The following ST7L variants were observed in gnomAD, a reference collection of about 807,000 sequenced individuals.
ST7L encodes suppressor of tumorigenicity 7 protein-like.
Under a neutral mutation model 72.5 loss-of-function variants are expected in ST7L, and 57 were observed. The ratio of observed to expected loss-of-function variants is 0.79; its 90% CI spans 0.64 to 0.98. The LOEUF is 0.98. Ranked by LOEUF, ST7L falls within the 50% of genes least tolerant of loss-of-function variation. The pLI is 0.00. For missense variants in ST7L, 576 were observed against 672.2 expected, an observed-to-expected ratio of 0.86 and a Z score of 1.58; for synonymous variants, 221 against 240.9, an observed-to-expected ratio of 0.92 and a Z score of 0.77.
chr1:112,615,831 C>T (rs1421968068), intron 2 of ST7L, among the ~76,000 whole-genome samples: 1 of 152,176 alleles, frequency 6.6e-6, no homozygotes, highest in Non-Finnish European at 1.5e-5. Flanking sequence ...CCTCCACCTC[C>T]CAAGTTCAAG....
At chr1:112,532,333 T>C (rs1235512002) in intron 14 of ST7L, among the ~76,000 whole-genome samples, 1 of 152,230 alleles carries the variant, frequency 6.6e-6, no homozygotes, top group African/African-American at 2.4e-5. Flanking sequence ...GGCTGTACTC[T>C]TGATAGGAGT....
intron 2 of ST7L, among the ~76,000 whole-genome samples, chr1:112,615,805 T>C (rs1669776450): frequency 6.6e-6 from 1 of 152,156 alleles, no homozygotes; most frequent in Non-Finnish European, 1.5e-5. Flanking sequence ...AGTGGCAAGA[T>C]CTTGGTTCAC....
chr1:112,534,193 C>G (rs545141372), intron 14 of ST7L, among the ~76,000 whole-genome samples: 3 of 152,174 alleles, frequency 2.0e-5, no homozygotes, highest in Admixed American at 1.3e-4. Context: ...CTCTAGCAAG[C>G]CACTGGATAT....
At chr1:112,590,300 G>A (rs564172676) in intron 6 of ST7L, among the ~76,000 whole-genome samples, 2 of 152,296 alleles carry the variant, frequency 1.3e-5, no homozygotes, top group East Asian at 3.9e-4. Flanking sequence ...CACTGAGCTA[G>A]GGAGTGAGGG....
At chr1:112,589,602 A>T (rs967204736) in intron 6 of ST7L, among the ~76,000 whole-genome samples, 6 of 152,170 alleles carry the variant, frequency 3.9e-5, no homozygotes, top group Non-Finnish European at 8.8e-5. Context: ...ATTATCTGTC[A>T]TGTGTGACCA....
intron 14 of ST7L, among the ~76,000 whole-genome samples, chr1:112,537,294 T>C (rs1037836058): frequency 6.6e-6 from 1 of 152,138 alleles, no homozygotes; most frequent in East Asian, 1.9e-4. Context: ...CCACCATGAC[T>C]GGCCCCAATT....
At position 112,576,809 on chromosome 1, in the gene ST7L, A is replaced by G. The variant is rs148565118; in HGVS notation, c.1245+177T>C. Among the ~76,000 whole-genome samples, 861 of 152,306 alleles carry G rather than the reference A, an allele frequency of 5.7e-3. 5 individuals carry two copies. The highest frequency in any genetic ancestry group is 0.019 in the African/African-American group (775 of 41,556). On this transcript the variant is annotated intron_variant, in intron 11 of 14. Transcript: ENST00000358039. ...ATATAGCTAACTATTGCTCCTATCT[A>G]CCTTTCTAAATGCCTAAATGTTTCA...
intron 13 of ST7L, among the ~76,000 whole-genome samples, chr1:112,548,662 T>C (rs1007236211): frequency 1.3e-5 from 2 of 152,218 alleles, no homozygotes; most frequent in African/African-American, 4.8e-5. Flanking sequence ...AGCACAGGTT[T>C]ATATCACATA....
At chr1:112,604,077 G>T (rs1667828317) in intron 3 of ST7L, among the ~76,000 whole-genome samples, 1 of 152,156 alleles carries the variant, frequency 6.6e-6, no homozygotes, top group Admixed American at 6.6e-5. Context: ...GGAGGCCAAA[G>T]TGGGCAGATC....
chr1:112,581,529 G>T (rs1203715513), intron 9 of ST7L, among the ~76,000 whole-genome samples: 1 of 151,568 alleles, frequency 6.6e-6, no homozygotes, highest in Non-Finnish European at 1.5e-5. Flanking sequence ...CTCCCAAGTA[G>T]CTGGGACTAC....
At chr1:112,564,858 G>A (rs1660714793) in intron 11 of ST7L, among the ~76,000 whole-genome samples, 1 of 151,016 alleles carries the variant, frequency 6.6e-6, no homozygotes, top group African/African-American at 2.4e-5. Context: ...ATCTTCTAGG[G>A]TGGATAAGAC....
At chr1:112,569,957 C>CAA (rs750153250) in intron 11 of ST7L, among the ~76,000 whole-genome samples, 1,728 of 72,922 alleles carry the variant, frequency 0.024, 70 homozygotes, top group African/African-American at 0.079. Flanking sequence ...GATTCTGTCT[C>CAA]AAAAAAAAAA....
In ST7L at chr1:112,599,076, ATATATAT is replaced by A. The variant is rs1558040681; in HGVS notation, c.507-997_507-991del. The stretch of plus-strand genomic sequence containing the variant: ...CTCAGCCTCAAAAAAAAAAAAAAAT[ATATATAT>A]ATATATATATATATATATATATATA... On this transcript the variant is annotated intron_variant, in intron 4 of 14. Transcript: ENST00000358039. Among the ~76,000 whole-genome samples, 214 of 42,728 alleles carry A rather than the reference ATATATAT, an allele frequency of 5.0e-3. 24 individuals carry two copies. The highest frequency in any genetic ancestry group is 0.018 in the African/African-American group (178 of 10,012). 28.0% of individuals were successfully genotyped at this position (42,728 alleles called of 152,430 possible).
chr1:112,540,815 T>G, intron 14 of ST7L: 2 of 1,288,878 alleles, frequency 1.6e-6, no homozygotes, highest in Non-Finnish European at 2.0e-6. Flanking sequence ...TCTCAGTGTT[T>G]TCATTTTTGG....
chr1:112,548,575 G>A (rs913603075), intron 13 of ST7L, among the ~76,000 whole-genome samples: 12 of 152,186 alleles, frequency 7.9e-5, no homozygotes, highest in Non-Finnish European at 1.8e-4. Flanking sequence ...TTATCAACTA[G>A]TTAAGTTTGA....
chr1:112,538,747 A>C (rs1156558330), intron 14 of ST7L, among the ~76,000 whole-genome samples: 1 of 152,168 alleles, frequency 6.6e-6, no homozygotes, highest in Non-Finnish European at 1.5e-5. Flanking sequence ...TCTCCTTTAA[A>C]CAAGAAGGGG....
intron 11 of ST7L, among the ~76,000 whole-genome samples, chr1:112,556,925 G>T (rs1389839578): frequency 8.1e-6 from 1 of 123,252 alleles, no homozygotes; most frequent in Non-Finnish European, 1.6e-5. Flanking sequence ...CCGAGATTGC[G>T]CCACTGCACT....
chr1:112,591,662 T>C (rs1665745837), intron 5 of ST7L, 59 bp from the exon 6 acceptor site: 2 of 1,380,352 alleles, frequency 1.4e-6, no homozygotes, highest in South Asian at 2.5e-5. Flanking sequence ...TGCAAAATTA[T>C]GAAGAATAAG....
chr1:112,570,545 GTATATA>G (rs71584748), intron 11 of ST7L, among the ~76,000 whole-genome samples: 2,199 of 130,902 alleles, frequency 0.017, 63 homozygotes, highest in African/African-American at 0.051. Flanking sequence ...AATAAAAGAT[GTATATA>G]TATATATATA....
Sources: allele counts gnomAD v4.1 joint callset (sites outside exome capture counted in the v4.1 genomes callset), GRCh38; gene constraint gnomAD v4.1.1; transcripts MANE v1.5; gene names NCBI Gene and HGNC (gene_info 2026-07-23, HGNC 2026-07-21).